The following CSNK2A1 variants were observed in gnomAD, a reference collection of about 807,000 sequenced individuals.
CSNK2A1 encodes the protein casein kinase II subunit alpha.
Under a neutral mutation model 62.9 loss-of-function variants are expected in CSNK2A1, and 10 were observed. The ratio of observed to expected loss-of-function variants is 0.16; its 90% CI spans 0.10 to 0.27. The LOEUF is 0.27. CSNK2A1 is among the 10% of genes least tolerant of loss of function. The pLI is 1.00. For synonymous variants in CSNK2A1, 124 were observed against 167.8 expected, an observed-to-expected ratio of 0.74 and a Z score of 2.02; for missense variants, 160 against 492.0, an observed-to-expected ratio of 0.33 and a Z score of 6.38.
intron 2 of CSNK2A1, among the ~76,000 whole-genome samples, chr20:517,346 T>C (rs1328668699): frequency 6.6e-6 from 1 of 152,254 alleles, no homozygotes; most frequent in Non-Finnish European, 1.5e-5. Flanking sequence ...TGCTCATACA[T>C]CAAGCATTTA....
Position 495,817 on chromosome 20 carries a change from G to T in CSNK2A1, c.427-15C>A, listed in dbSNP as rs890947409. ...TAATCCAGGGCCTGTGGGATGAACG[G>T]GTCAGAAAGGAGTTAGCCTGAATAA... On this transcript the variant is annotated splice_polypyrimidine_tract_variant and intron_variant, in intron 7 of 13. Coordinates refer to ENST00000217244, the MANE Select transcript of CSNK2A1 (RefSeq NM_177559.3). The T allele has an allele frequency of 1.9e-6, 3 of 1,610,054 alleles. No homozygotes were observed. Among genetic ancestry groups the T allele is most frequent in the Non-Finnish European group, 2.5e-6 (3 of 1,176,504 alleles).
At chr20:506,029 C>A (rs961585339) in intron 3 of CSNK2A1, 5 of 152,012 alleles carry the variant, frequency 3.3e-5, no homozygotes, top group Admixed American at 2.6e-4. Flanking sequence ...GCGCCCACCA[C>A]CACGCCCGGC....
chr20:499,427 C>T lies in CSNK2A1; in HGVS notation c.316-122G>A. The stretch of plus-strand genomic sequence containing the variant: ...CAGTCCTCGCCTCAGTAGTAAGAAA[C>T]CCTCTATTGCTACAAGCCCTCCCCG... On this transcript the variant is annotated intron_variant, in intron 5 of 13. Transcript: ENST00000217244. The surrounding 1 kb of genome is among the most constrained non-coding windows in gnomAD (Gnocchi z 4.2). 1 of 780,634 alleles carries T rather than the reference C, an allele frequency of 1.3e-6. No homozygotes were observed. The highest frequency in any genetic ancestry group is 2.8e-5 in the Admixed American group (1 of 35,684). The allele number at this position is 780,634 out of a possible 1,614,324, so 48.4% of individuals were successfully genotyped here.
Position 475,566 on chromosome 20 carries a change from T to C in CSNK2A1, c.*8395A>G, listed in dbSNP as rs2017833282. 6.6e-6 allele frequency: 1 copy of C among 152,184 alleles called. No individual in the cohort carries two copies. The highest frequency in any genetic ancestry group is 2.1e-4 in the South Asian group (1 of 4,830). The allele number at this position is 152,184 out of a possible 1,614,324, so 9.4% of individuals were successfully genotyped here. ...TGTTCCTACTGATATATATGAATAGTATGGCTGATTGCATTATTGGTTTGT... is the reference window on the plus strand; with the variant it reads ...TGTTCCTACTGATATATATGAATAGCATGGCTGATTGCATTATTGGTTTGT... On this transcript the variant is annotated 3_prime_UTR_variant, in exon 14 of 14. Transcript: ENST00000217244.
intron 1 of CSNK2A1, 35 bp from the exon 2 acceptor site, chr20:528,084 G>A (rs932897329): frequency 6.6e-6 from 1 of 152,170 alleles, no homozygotes; most frequent in Non-Finnish European, 1.5e-5. Context: ...TTACTGAAAG[G>A]ATCTTGGATT....
intron 9 of CSNK2A1, among the ~76,000 whole-genome samples, chr20:491,284 T>C (rs1321271665): frequency 6.6e-6 from 1 of 152,222 alleles, no homozygotes; most frequent in Non-Finnish European, 1.5e-5. Context: ...AGAAGGCTTT[T>C]TGGGGGAGCT....
chr20:518,201 TAAGC>T (rs1216525784), intron 2 of CSNK2A1, among the ~76,000 whole-genome samples: 1 of 152,148 alleles, frequency 6.6e-6, no homozygotes, highest in Non-Finnish European at 1.5e-5. Flanking sequence ...CCCAGAGATA[TAAGC>T]AAGCAAGGAA....
At chr20:508,215 A>G (rs756615457) in intron 3 of CSNK2A1, 4 of 455,748 alleles carry the variant, frequency 8.8e-6, no homozygotes, top group Admixed American at 7.8e-5. Flanking sequence ...ATAGAAAAGG[A>G]TAAGAAACTA....
chr20:533,076 T>G (rs556106473), intron 1 of CSNK2A1, among the ~76,000 whole-genome samples: 2 of 152,336 alleles, frequency 1.3e-5, no homozygotes, highest in African/African-American at 4.8e-5. Context: ...TAATGCCATA[T>G]AAGTAGTAGT....
At chr20:486,105 G>A (rs572386147) in intron 13 of CSNK2A1, among the ~76,000 whole-genome samples, 2 of 152,250 alleles carry the variant, frequency 1.3e-5, no homozygotes, top group South Asian at 2.1e-4. Flanking sequence ...ATGAAATGGT[G>A]TATTTTTCCT....
At chr20:524,781 C>T (rs1193526442) in intron 2 of CSNK2A1, among the ~76,000 whole-genome samples, 3 of 150,826 alleles carry the variant, frequency 2.0e-5, no homozygotes, top group South Asian at 2.1e-4. Flanking sequence ...TGTATACATG[C>T]ACTGAAACAT....
chr20:497,515 C>T (rs912083825), intron 7 of CSNK2A1, among the ~76,000 whole-genome samples: 1 of 152,064 alleles, frequency 6.6e-6, no homozygotes, highest in African/African-American at 2.4e-5. Flanking sequence ...CTTTTGATCT[C>T]CTGGCCTCAA....
chr20:513,689 G>T (rs1299723914), intron 2 of CSNK2A1, among the ~76,000 whole-genome samples: 1 of 152,104 alleles, frequency 6.6e-6, no homozygotes, highest in African/African-American at 2.4e-5. Flanking sequence ...CAAGGCCCTG[G>T]CATCCTCTGT....
At chr20:493,935 T>G (rs1356905291) in intron 8 of CSNK2A1, among the ~76,000 whole-genome samples, 3 of 152,228 alleles carry the variant, frequency 2.0e-5, no homozygotes, top group East Asian at 3.8e-4. Context: ...TCCTTTTTAT[T>G]GCTGAGAAAT....
chr20:518,814 C>T (rs986181559), intron 2 of CSNK2A1, among the ~76,000 whole-genome samples: 7 of 151,000 alleles, frequency 4.6e-5, no homozygotes, highest in Admixed American at 4.0e-4. Flanking sequence ...CTTGGCCTCC[C>T]AAAGTGCTGG....
intron 1 of CSNK2A1, among the ~76,000 whole-genome samples, chr20:530,269 C>T (rs1248044458): frequency 6.6e-6 from 1 of 152,178 alleles, no homozygotes; most frequent in Non-Finnish European, 1.5e-5. Flanking sequence ...GCCTCTTCCA[C>T]TTAGCAAAAT....
At chr20:500,038 C>CA in intron 4 of CSNK2A1, 104 bp from the exon 5 acceptor site, 1 of 850,856 alleles carries the variant, frequency 1.2e-6, no homozygotes, top group Non-Finnish European at 1.9e-6. Flanking sequence ...TACTTATGAG[C>CA]ACACCTTGAA....
intron 3 of CSNK2A1, chr20:507,387 A>G (rs1017486662): frequency 6.6e-6 from 1 of 152,264 alleles, no homozygotes; most frequent in African/African-American, 2.4e-5. Flanking sequence ...TATAAAATAC[A>G]GCATACAGGA....
At chr20:512,587 C>G (rs1451278919) in intron 2 of CSNK2A1, among the ~76,000 whole-genome samples, 1 of 152,154 alleles carries the variant, frequency 6.6e-6, no homozygotes, top group Non-Finnish European at 1.5e-5. Context: ...GATTAATTCT[C>G]TATTCCTTAA....
Sources: allele counts gnomAD v4.1 joint callset (sites outside exome capture counted in the v4.1 genomes callset), GRCh38; gene constraint gnomAD v4.1.1; non-coding constraint Gnocchi (gnomAD v3.1); transcripts MANE v1.5; gene names NCBI Gene and HGNC (gene_info 2026-07-23, HGNC 2026-07-21).